RNF212B: variants seen among roughly 807,000 people sequenced by gnomAD.
RNF212B encodes the protein E3 ubiquitin-protein ligase RNF212B.
RNF212B carries 52 observed loss-of-function variants against 55.5 expected under a neutral mutation model. The observed-to-expected ratio is 0.94, with a 90% CI of 0.75 to 1.18. The LOEUF (loss-of-function observed/expected upper bound fraction) is 1.18. Among genes scored for constraint, RNF212B ranks in the 50% most tolerant of loss-of-function variants. RNF212B has a pLI of 0.00. For missense variants in RNF212B, 289 were observed against 350.4 expected (o/e 0.82, Z 1.40); for synonymous variants, 99 against 121.4 (o/e 0.82, Z 1.21).
chr14:23,226,316 A>T (rs1397951322), intron 2 of RNF212B, among the ~76,000 whole-genome samples: 1 of 133,774 alleles, frequency 7.5e-6, no homozygotes, highest in East Asian at 2.1e-4. Context: ...AAAAAAAAAA[A>T]TTAAATAAAT....
intron 10 of RNF212B, 51 bp from the exon 11 acceptor site, chr14:23,264,572 C>G: frequency 8.3e-7 from 1 of 1,202,766 alleles, no homozygotes; most frequent in Non-Finnish European, 1.1e-6. Context: ...AATAGGGAAG[C>G]CAGATAACTG....
At chr14:23,221,660 A>C (rs1370892855) in intron 2 of RNF212B, among the ~76,000 whole-genome samples, 2 of 152,318 alleles carry the variant, frequency 1.3e-5, no homozygotes, top group Admixed American at 6.5e-5. Flanking sequence ...TTTGCAGAAC[A>C]TTTCATCCAA....
At chr14:23,188,733 G>A (rs946480890) in intron 1 of RNF212B, among the ~76,000 whole-genome samples, 1 of 152,096 alleles carries the variant, frequency 6.6e-6, no homozygotes, top group African/African-American at 2.4e-5. Context: ...GCTTCCCAAA[G>A]TGCTGGGAGC....
At chr14:23,253,729 T>C (rs1884584044) in intron 4 of RNF212B, among the ~76,000 whole-genome samples, 1 of 152,164 alleles carries the variant, frequency 6.6e-6, no homozygotes, top group Non-Finnish European at 1.5e-5. Flanking sequence ...AAGAGAAATG[T>C]CCTTTTATCA....
rs1427560966 is a variant in RNF212B at position 23,215,924 on chromosome 14, G to A, written c.-2+22523G>A. ...ACACCACTAGACTGAGTTATTTTAT[G>A]CATGTATAATGTAATCTCTAGAGCA... On this transcript the variant is annotated intron_variant, in intron 2 of 15. Coordinates refer to the RNF212B transcript ENST00000399910. Among the ~76,000 whole-genome samples, 5 of 152,186 alleles carry A rather than the reference G, an allele frequency of 3.3e-5. No individual in the cohort carries two copies. In the East Asian group the frequency reaches 9.6e-4, roughly 29 times the overall value.
At chr14:23,186,144 G>A (rs1877570021) in intron 1 of RNF212B, among the ~76,000 whole-genome samples, 1 of 151,878 alleles carries the variant, frequency 6.6e-6, no homozygotes, top group African/African-American at 2.4e-5. Context: ...AGCTAGGAAA[G>A]GAATCTCCCC....
At chr14:23,195,523 A>G (rs964021634) in intron 2 of RNF212B, among the ~76,000 whole-genome samples, 7 of 152,134 alleles carry the variant, frequency 4.6e-5, no homozygotes, top group African/African-American at 1.7e-4. Context: ...TTCCTTCATT[A>G]TAGTCTCATT....
At chr14:23,204,294 C>T (rs1879622134) in intron 2 of RNF212B, among the ~76,000 whole-genome samples, 1 of 152,260 alleles carries the variant, frequency 6.6e-6, no homozygotes. Context: ...TCATGAAATC[C>T]TTGCCTAAGC....
intron 2 of RNF212B, among the ~76,000 whole-genome samples, chr14:23,227,997 G>A (rs562464155): frequency 5.9e-4 from 89 of 151,642 alleles, no homozygotes; most frequent in African/African-American, 1.0e-3. Context: ...TTGGGAGGCC[G>A]AGGCAGGTGG....
intron 2 of RNF212B, among the ~76,000 whole-genome samples, chr14:23,231,854 C>A (rs1459621496): frequency 6.6e-6 from 1 of 152,236 alleles, no homozygotes; most frequent in Non-Finnish European, 1.5e-5. Flanking sequence ...GTTGGCCGGG[C>A]TGGTCTCCAG....
In RNF212B at chr14:23,240,409, T is replaced by A. The variant is rs1041326648; in HGVS notation, c.64T>A (p.Cys22Ser). ...TGGGGCCCATTTCTTTGTCACCAGCTGTGGCCATATTTTCTGTAAAAAGTG... is the reference window on the plus strand; with the variant it reads ...TGGGGCCCATTTCTTTGTCACCAGCAGTGGCCATATTTTCTGTAAAAAGTG... The part of the protein sequence containing the change: ...KDGAHFFVTS[C>S]GHIFCKKCVT... Residue 22 changes from cysteine to serine, a missense_variant, in exon 2 of 15, where the codon TGT becomes AGT. Physicochemically the swap from Cys to Ser is moderately radical, Grantham distance 112. Coordinates refer to ENST00000430154, the MANE Select transcript of RNF212B (RefSeq NM_001282322.3). 6.5e-7 allele frequency: 1 copy of A among 1,550,298 alleles called. No homozygotes were observed. Among genetic ancestry groups the A allele is most frequent in the African/African-American group, 1.4e-5 (1 of 73,036 alleles).
At chr14:23,231,753 C>A (rs1410155373) in intron 2 of RNF212B, among the ~76,000 whole-genome samples, 1 of 152,174 alleles carries the variant, frequency 6.6e-6, no homozygotes, top group African/African-American at 2.4e-5. Flanking sequence ...GATTCTCCTG[C>A]CTCAGCCTGC....
chr14:23,211,001 C>T (rs970486716), intron 2 of RNF212B, among the ~76,000 whole-genome samples: 24 of 151,834 alleles, frequency 1.6e-4, no homozygotes, highest in Admixed American at 1.4e-3. Flanking sequence ...GGACAGATCA[C>T]GAGGTCAGGA....
chr14:23,255,774 C>A (rs192952786), intron 4 of RNF212B, among the ~76,000 whole-genome samples: 1 of 152,250 alleles, frequency 6.6e-6, no homozygotes, highest in Admixed American at 6.5e-5. Context: ...ACGAAAGAGA[C>A]CAACCTCTTC....
chr14:23,202,773 C>T lies in RNF212B; in HGVS notation c.-2+9372C>T, dbSNP rs144598555. Among the ~76,000 whole-genome samples, 577 of 151,362 alleles carry T rather than the reference C, an allele frequency of 3.8e-3. 3 individuals are homozygous for T. The highest frequency in any genetic ancestry group is 0.013 in the African/African-American group (545 of 41,120). ...GGCTGAGGCAGGAGAATGGCGTGAA[C>T]CTGGGAGGTGGAGGTTGCAGTGAGC... On this transcript the variant is annotated intron_variant, in intron 2 of 15. Transcript: ENST00000399910.
intron 2 of RNF212B, among the ~76,000 whole-genome samples, chr14:23,206,625 G>A (rs930665996): frequency 6.6e-5 from 10 of 152,036 alleles, no homozygotes; most frequent in Non-Finnish European, 1.5e-5. Flanking sequence ...GCAGTTGTCA[G>A]CTAAATAGCC....
intron 2 of RNF212B, among the ~76,000 whole-genome samples, chr14:23,222,558 A>G (rs975610241): frequency 1.3e-5 from 2 of 152,192 alleles, no homozygotes; most frequent in African/African-American, 4.8e-5. Flanking sequence ...CCAAACATTT[A>G]AAGAACTACT....
In RNF212B at chr14:23,251,688, C is replaced by T. The variant is rs192168104; in HGVS notation, c.229-6861C>T. ...AAAAGTAGATGGGTGTGGTGGCGGG[C>T]GCCTGTAATCCCAGCTACTCTGGAG... On this transcript the variant is annotated intron_variant, in intron 4 of 14. Coordinates refer to ENST00000430154, the MANE Select transcript of RNF212B (RefSeq NM_001282322.3). Among the ~76,000 whole-genome samples, 260 of 152,022 alleles carry T rather than the reference C, an allele frequency of 1.7e-3. 1 individual carries two copies. Among genetic ancestry groups the T allele is most frequent in the African/African-American group, 5.6e-3 (234 of 41,472 alleles).
rs539041258 is a variant in RNF212B, at chr14:23,222,925, G to A, written c.-1-17420G>A. 1.6e-4 allele frequency among the ~76,000 whole-genome samples: 25 copies of A among 151,848 alleles called. No individual in the cohort carries two copies. The East Asian group carries it at 2.5e-3, about 15-fold the overall frequency. On this transcript the variant is annotated intron_variant, in intron 2 of 15. Coordinates refer to the RNF212B transcript ENST00000399910. ...AAAAATTAGCCGGGCATGGTGGCAC[G>A]CACCTGTAATCCTAGCTACTCAGGA...
Sources: allele counts gnomAD v4.1 joint callset (sites outside exome capture counted in the v4.1 genomes callset), GRCh38; gene constraint gnomAD v4.1.1; transcripts MANE v1.5; gene names NCBI Gene and HGNC (gene_info 2026-07-23, HGNC 2026-07-21).